The following PROKR1 variants were observed in gnomAD, a reference collection of about 807,000 sequenced individuals.
The protein encoded by PROKR1 is prokineticin receptor 1.
PROKR1 carries 21 observed loss-of-function variants against 22.8 expected under a neutral mutation model. The ratio of observed to expected loss-of-function variants is 0.92; its 90% CI spans 0.65 to 1.32. The LOEUF is 1.32. Among genes scored for constraint, PROKR1 ranks in the 40% most tolerant of loss-of-function variants. The pLI is 0.00. For missense variants in PROKR1, 548 were observed against 514.2 expected, an observed-to-expected ratio of 1.07 and a Z score of -0.64; for synonymous variants, 193 against 207.5, an observed-to-expected ratio of 0.93 and a Z score of 0.60.
In PROKR1 at chr2:68,656,189, A is replaced by G. The variant is rs975515484; in HGVS notation, c.*613A>G. The G allele has an allele frequency of 2.4e-5, 4 of 164,744 alleles. No homozygotes were observed. In the East Asian group the frequency reaches 5.1e-4, roughly 21 times the overall value. 10.2% of individuals were successfully genotyped at this position (164,744 alleles called of 1,614,324 possible). ...CACCCTCAGGCCCAGGGCTCTGCAC[A>G]TAGGTGGTAAGGCTCTTCATCAGAA... On this transcript the variant is annotated 3_prime_UTR_variant, in exon 3 of 3. Transcript: ENST00000303786.
intron 1 of PROKR1, among the ~76,000 whole-genome samples, chr2:68,645,217 G>A (rs1200618914): frequency 6.6e-6 from 1 of 152,198 alleles, no homozygotes; most frequent in African/African-American, 2.4e-5. Flanking sequence ...TTCTAATGTG[G>A]GAACAGGAAG....
At position 68,645,947 on chromosome 2, in the gene PROKR1, T is replaced by A. The variant is rs201160681; in HGVS notation, c.126T>A (p.Tyr42Ter). ...CATTCAACTTCAGCTACAGCGACTA[T>A]GATATGCCTTTGGATGAAGATGAGG... ...SFPFNFSYSDYDMPLDEDEDV... is the reference protein window; with the variant it reads ...SFPFNFSYSD The change falls in exon 2 of 3, where the codon TAT becomes TAA. Residue 42 changes from tyrosine (Y) to a stop codon, truncating the protein, a stop_gained. Coordinates refer to ENST00000303786, the MANE Select transcript of PROKR1 (RefSeq NM_138964.4). LOFTEE classifies it high-confidence loss of function. The A allele has an allele frequency of 4.3e-6, 7 of 1,614,200 alleles. No homozygotes were observed. The highest frequency in any genetic ancestry group is 5.9e-6 in the Non-Finnish European group (7 of 1,180,000).
chr2:68,649,222 C>T (rs1367018738), intron 2 of PROKR1, among the ~76,000 whole-genome samples: 1 of 152,142 alleles, frequency 6.6e-6, no homozygotes. Flanking sequence ...ATTATTGGTT[C>T]CATTGTTCTC....
In PROKR1 at chr2:68,655,298, G is replaced by A. The variant is rs756432723; in HGVS notation, c.904G>A (p.Gly302Ser). 1.2e-6 allele frequency: 2 copies of A among 1,614,240 alleles called. No homozygotes were observed. The highest frequency in any genetic ancestry group is 1.7e-6 in the Non-Finnish European group (2 of 1,180,050). Residue 302 changes from glycine (G) to serine (S), a missense_variant, in exon 3 of 3, where the codon GGC becomes AGC. By Grantham distance (56) the Gly-to-Ser change is moderately conservative. Transcript: ENST00000303786. ...AYVLCWAPFYGFTIVRDFFPT... is the reference protein window; with the variant it reads ...AYVLCWAPFYSFTIVRDFFPT... Reference sequence around the variant, plus strand: ...CGTGCTATGCTGGGCGCCCTTCTACGGCTTCACCATCGTGCGCGACTTCTT... The same window carrying A: ...CGTGCTATGCTGGGCGCCCTTCTACAGCTTCACCATCGTGCGCGACTTCTT...
intron 2 of PROKR1, 123 bp downstream of exon 2, chr2:68,646,429 G>T: frequency 7.2e-7 from 1 of 1,396,924 alleles, no homozygotes; most frequent in Non-Finnish European, 9.8e-7. Flanking sequence ...AGATGTGGTT[G>T]CATGGGGGAC....
In PROKR1 at chr2:68,655,529, A is replaced by G. The variant is rs34715748; in HGVS notation, c.1135A>G (p.Ile379Val). Residue 379 changes from isoleucine to valine, a missense_variant, in exon 3 of 3, where the codon ATT becomes GTT. By Grantham distance (29) the Ile-to-Val change is conservative. Coordinates refer to ENST00000303786, the MANE Select transcript of PROKR1 (RefSeq NM_138964.4). ...KSSADLDLKT[I>V]GMPATEEVDC... ...CAGTGCAGACCTGGACCTCAAGACA[A>G]TTGGGATGCCTGCCACCGAAGAGGT... 0.044 allele frequency: 70,925 copies of G among 1,614,154 alleles called. 1,793 individuals carry two copies. The highest frequency in any genetic ancestry group is 0.099 in the East Asian group (4,445 of 44,884).
intron 2 of PROKR1, among the ~76,000 whole-genome samples, chr2:68,651,210 A>G (rs1673317343): frequency 6.6e-6 from 1 of 151,798 alleles, no homozygotes; most frequent in East Asian, 1.9e-4. Flanking sequence ...AAAGAAAAAA[A>G]AAATTTACCG....
chr2:68,648,583 C>G (rs1339639647), intron 2 of PROKR1, among the ~76,000 whole-genome samples: 1 of 152,030 alleles, frequency 6.6e-6, no homozygotes, highest in East Asian at 1.9e-4. Flanking sequence ...AATGCCCATT[C>G]TTTTATTGAT....
At position 68,654,891 on chromosome 2, in the gene PROKR1, T is replaced by C. The variant is rs761149383; in HGVS notation, c.497T>C (p.Ile166Thr). 14 of 1,612,918 alleles carry C rather than the reference T, an allele frequency of 8.7e-6. No individual in the cohort carries two copies. The highest frequency in any genetic ancestry group is 2.7e-5 in the African/African-American group (2 of 74,834). The part of the protein sequence containing the change: ...LAIAIDRYLA[I>T]VHPLRPRMKC... ...TGTTCTTGCCCTAGGTATCTGGCTA[T>C]TGTCCATCCGCTGAGACCACGGATG... The change falls in exon 3 of 3, where the codon ATT becomes ACT. Residue 166 changes from isoleucine (I) to threonine (T), a missense_variant. Physicochemically the swap from Ile to Thr is moderately conservative, Grantham distance 89. Transcript: ENST00000303786.
intron 2 of PROKR1, 128 bp downstream of exon 2, chr2:68,646,434 G>C (rs1673181231): frequency 2.2e-6 from 3 of 1,384,744 alleles, no homozygotes; most frequent in Non-Finnish European, 3.0e-6. Flanking sequence ...TGGTTGCATG[G>C]GGGACTCAAA....
rs749384621 is a variant in PROKR1, at chr2:68,657,888, T to C, written c.*2312T>C. 3.3e-4 allele frequency: 50 copies of C among 152,256 alleles called. No homozygotes were observed. The highest frequency in any genetic ancestry group is 5.9e-4 in the Non-Finnish European group (40 of 68,044). 9.4% of individuals were successfully genotyped at this position (152,256 alleles called of 1,614,324 possible). ...GAATGCTCTTGGAGAGTAAAATTAA[T>C]TAAAATATTAGCCTAAATCAAAAAT... On this transcript the variant is annotated 3_prime_UTR_variant, in exon 3 of 3. Transcript: ENST00000303786.
intron 2 of PROKR1, among the ~76,000 whole-genome samples, chr2:68,651,411 GC>G (rs1673326907): frequency 6.6e-6 from 1 of 152,140 alleles, no homozygotes; most frequent in Non-Finnish European, 1.5e-5. Flanking sequence ...AGAGACCTCT[GC>G]CCCAGCCACA....
chr2:68,655,275 T>G lies in PROKR1; in HGVS notation c.881T>G (p.Val294Gly). The change falls in exon 3 of 3, where the codon GTG becomes GGG. Residue 294 changes from valine to glycine, a missense_variant. Coordinates refer to ENST00000303786, the MANE Select transcript of PROKR1 (RefSeq NM_138964.4). ...CTCATGTGCATCCTCACCGCCTACG[T>G]GCTATGCTGGGCGCCCTTCTACGGC... ...LVLMCILTAY[V>G]LCWAPFYGFT... 6.2e-7 allele frequency: 1 copy of G among 1,614,252 alleles called. No individual in the cohort carries two copies. The highest frequency in any genetic ancestry group is 8.5e-7 in the Non-Finnish European group (1 of 1,180,052).
chr2:68,652,534 C>T (rs1673354809), intron 2 of PROKR1, among the ~76,000 whole-genome samples: 1 of 151,922 alleles, frequency 6.6e-6, no homozygotes, highest in African/African-American at 2.4e-5. Context: ...CACAGATTAC[C>T]CTGAAGATTA....
intron 2 of PROKR1, among the ~76,000 whole-genome samples, chr2:68,649,860 A>G (rs1289114149): frequency 6.6e-6 from 1 of 152,162 alleles, no homozygotes; most frequent in Non-Finnish European, 1.5e-5. Flanking sequence ...TGGGTTCTAC[A>G]AACAGAGGAA....
rs774005648 is a variant in PROKR1, at chr2:68,646,061, C to T, written c.240C>T (p.Asn80=). The T allele has an allele frequency of 6.2e-7, 1 of 1,614,272 alleles. No individual in the cohort carries two copies. The highest frequency in any genetic ancestry group is 8.5e-7 in the Non-Finnish European group (1 of 1,180,048). The change falls in exon 2 of 3, where the codon AAC becomes AAT. Residue 80 remains asparagine, a synonymous_variant. Coordinates refer to ENST00000303786, the MANE Select transcript of PROKR1 (RefSeq NM_138964.4). Reference sequence around the variant, plus strand: ...TCATGCTGGTCTGCGGCATTGGAAACTTCATCTTTATCGCTGCCCTGGTCC... The same window carrying T: ...TCATGCTGGTCTGCGGCATTGGAAATTTCATCTTTATCGCTGCCCTGGTCC... ...VGIMLVCGIG[N]FIFIAALVRY...
rs2104176010 is a variant in PROKR1 at position 68,643,688 on chromosome 2, C to G, written c.-321C>G. ...GGTCGGGGGATCTGCAGCGGCGGCGCGAAGGTAACTCCCCCGCCAGAGCCG... is the reference window on the plus strand; with the variant it reads ...GGTCGGGGGATCTGCAGCGGCGGCGGGAAGGTAACTCCCCCGCCAGAGCCG... On this transcript the variant is annotated 5_prime_UTR_variant, in exon 1 of 3. Transcript: ENST00000303786. The G allele has an allele frequency of 6.6e-6, 1 of 152,370 alleles. No individual in the cohort carries two copies. 9.4% of individuals were successfully genotyped at this position (152,370 alleles called of 1,614,324 possible).
At chr2:68,647,176 T>C (rs955540258) in intron 2 of PROKR1, among the ~76,000 whole-genome samples, 1 of 152,270 alleles carries the variant, frequency 6.6e-6, no homozygotes, top group Non-Finnish European at 1.5e-5. Flanking sequence ...TTTGCACAGA[T>C]AGTGCAGAAG....
At chr2:68,647,940 G>A (rs1446022940) in intron 2 of PROKR1, among the ~76,000 whole-genome samples, 1 of 152,200 alleles carries the variant, frequency 6.6e-6, no homozygotes, top group Non-Finnish European at 1.5e-5. Flanking sequence ...GTCAAGTAGA[G>A]TATCTACTTC....
Sources: allele counts gnomAD v4.1 joint callset (sites outside exome capture counted in the v4.1 genomes callset), GRCh38; gene constraint gnomAD v4.1.1; transcripts MANE v1.5; gene names NCBI Gene and HGNC (gene_info 2026-07-23, HGNC 2026-07-21).